The following DPYD variants were observed in gnomAD, a reference collection of about 807,000 sequenced individuals.
DPYD encodes the protein dihydropyrimidine dehydrogenase [NADP(+)].
Under a neutral mutation model 116.2 loss-of-function variants are expected in DPYD, and 109 were observed. The observed-to-expected ratio is 0.94, with a 90% CI of 0.80 to 1.10. The LOEUF (loss-of-function observed/expected upper bound fraction) is 1.10. Ranked by LOEUF, DPYD falls within the 50% of genes least tolerant of loss-of-function variation. The pLI is 0.00. For synonymous variants in DPYD, 440 were observed against 432.0 expected (o/e 1.02, Z -0.23); for missense variants, 1,302 against 1,254.5 (o/e 1.04, Z -0.57).
intron 2 of DPYD, among the ~76,000 whole-genome samples, chr1:97,865,862 A>C (rs1478617110): frequency 6.6e-6 from 1 of 151,976 alleles, no homozygotes; most frequent in Non-Finnish European, 1.5e-5. Context: ...ACTGGCATAT[A>C]TTTGAAATTA....
At position 97,306,142 on chromosome 1, in the gene DPYD, CA is replaced by C. The variant is rs748225767; in HGVS notation, c.2179+34del. The C allele has an allele frequency of 3.1e-6, 5 of 1,611,316 alleles. No homozygotes were observed. The East Asian group carries it at 1.1e-4, about 36-fold the overall frequency. Reference sequence around the variant, plus strand: ...GCTACATAATGTGGGCCAATATTTACAATAGCGGGCAACTGATTCAAGTCAA... The same window carrying C: ...GCTACATAATGTGGGCCAATATTTACATAGCGGGCAACTGATTCAAGTCAA... On this transcript the variant is annotated intron_variant, in intron 17 of 22. Coordinates refer to ENST00000370192, the MANE Select transcript of DPYD (RefSeq NM_000110.4).
chr1:97,553,973 T>C (rs1651506726), intron 11 of DPYD, among the ~76,000 whole-genome samples: 1 of 130,848 alleles, frequency 7.6e-6, no homozygotes, highest in African/African-American at 2.5e-5. Context: ...CTTTAATTAC[T>C]ACTATGTTCA....
At chr1:97,808,014 T>C (rs1351959404) in intron 3 of DPYD, among the ~76,000 whole-genome samples, 1 of 152,168 alleles carries the variant, frequency 6.6e-6, no homozygotes, top group Non-Finnish European at 1.5e-5. Context: ...CCTTGACTAC[T>C]GCAGCTTTAC....
intron 12 of DPYD, among the ~76,000 whole-genome samples, chr1:97,532,885 T>C (rs1236709637): frequency 6.7e-6 from 1 of 150,182 alleles, no homozygotes; most frequent in African/African-American, 2.5e-5. Context: ...ATTATTTCCA[T>C]CCTTCTGCTA....
At chr1:97,254,705 T>G (rs1663336429) in intron 18 of DPYD, among the ~76,000 whole-genome samples, 1 of 152,156 alleles carries the variant, frequency 6.6e-6, no homozygotes, top group African/African-American at 2.4e-5. Context: ...TTTAAAAACT[T>G]CAAGTGAAAA....
At chr1:97,333,058 T>C in intron 16 of DPYD, among the ~76,000 whole-genome samples, 1 of 122,918 alleles carries the variant, frequency 8.1e-6, no homozygotes, top group Non-Finnish European at 1.6e-5. Flanking sequence ...CAACTGCTAA[T>C]TCTTTTTTTT....
At chr1:97,116,922 G>A (rs1245872424) in intron 20 of DPYD, among the ~76,000 whole-genome samples, 1 of 151,130 alleles carries the variant, frequency 6.6e-6, no homozygotes, top group East Asian at 2.0e-4. Flanking sequence ...GCCGAGGTGG[G>A]TGGATCACCT....
chr1:97,181,155 G>A (rs1223418032), intron 20 of DPYD, among the ~76,000 whole-genome samples: 1 of 152,052 alleles, frequency 6.6e-6, no homozygotes, highest in East Asian at 1.9e-4. Context: ...TTTGAATCAC[G>A]AGCTTCCTCT....
chr1:97,906,876 C>T (rs141850555), intron 1 of DPYD, among the ~76,000 whole-genome samples: 278 of 152,236 alleles, frequency 1.8e-3, no homozygotes, highest in African/African-American at 6.2e-3. Context: ...TTCACATTTT[C>T]ACTTGAGGAA....
At chr1:97,273,377 G>T (rs566281782) in intron 18 of DPYD, among the ~76,000 whole-genome samples, 2 of 152,114 alleles carry the variant, frequency 1.3e-5, no homozygotes, top group Non-Finnish European at 2.9e-5. Context: ...TATAAAATAT[G>T]TTTGAGGCAC....
chr1:97,439,269 T>C (rs1391346975), intron 14 of DPYD, among the ~76,000 whole-genome samples: 3 of 152,160 alleles, frequency 2.0e-5, no homozygotes. Context: ...ATCAGGGTGT[T>C]GGCCCCATAG....
intron 1 of DPYD, among the ~76,000 whole-genome samples, chr1:97,909,867 C>T (rs1017858009): frequency 1.3e-5 from 2 of 152,092 alleles, no homozygotes; most frequent in Non-Finnish European, 2.9e-5. Flanking sequence ...CAGCTGCCTA[C>T]GTGGTATCTT....
intron 14 of DPYD, among the ~76,000 whole-genome samples, chr1:97,421,620 C>T (rs1237491810): frequency 6.6e-6 from 1 of 152,114 alleles, no homozygotes; most frequent in Non-Finnish European, 1.5e-5. Flanking sequence ...ATTGTATGTG[C>T]TTTAGTTTGG....
chr1:97,345,588 C>T (rs985378026), intron 16 of DPYD, among the ~76,000 whole-genome samples: 3 of 151,728 alleles, frequency 2.0e-5, no homozygotes, highest in Admixed American at 6.6e-5. Context: ...TGTCGGGATG[C>T]GAGAAAATGC....
intron 13 of DPYD, among the ~76,000 whole-genome samples, chr1:97,498,923 C>A (rs1305407707): frequency 6.6e-6 from 1 of 151,464 alleles, no homozygotes; most frequent in Non-Finnish European, 1.5e-5. Flanking sequence ...AATATTTTTT[C>A]TTAAAAGTTA....
rs74368669 is a variant in DPYD at position 97,278,914 on chromosome 1, C to T, written c.2299+26345G>A. 3.7e-3 allele frequency among the ~76,000 whole-genome samples: 529 copies of T among 144,374 alleles called. 1 individual carries two copies. Among genetic ancestry groups the T allele is most frequent in the Non-Finnish European group, 6.5e-3 (414 of 64,114 alleles). The allele number at this position is 144,374 out of a possible 152,430, so 94.7% of individuals were successfully genotyped here. The stretch of plus-strand genomic sequence containing the variant: ...CACTCTTACTAAGACAATGGTATTT[C>T]GTAAAAATTTTTTTTTTCCCACAGC... On this transcript the variant is annotated intron_variant, in intron 18 of 22. Transcript: ENST00000370192.
intron 5 of DPYD, among the ~76,000 whole-genome samples, chr1:97,702,852 T>G (rs539506160): frequency 3.3e-5 from 5 of 152,088 alleles, no homozygotes; most frequent in African/African-American, 1.2e-4. Flanking sequence ...TTTAAAAAAA[T>G]TATGAGATGC....
chr1:97,853,652 T>C (rs899690269), intron 2 of DPYD, among the ~76,000 whole-genome samples: 2 of 152,206 alleles, frequency 1.3e-5, no homozygotes, highest in African/African-American at 4.8e-5. Context: ...TCCAAAATGT[T>C]TTACACATCA....
At chr1:97,212,726 C>T (rs1660118142) in intron 19 of DPYD, among the ~76,000 whole-genome samples, 3 of 152,064 alleles carry the variant, frequency 2.0e-5, no homozygotes, top group African/African-American at 7.2e-5. Context: ...TCCTCACCGT[C>T]ATTAAGTATT....
Sources: gnomAD v4.1 joint callset for allele counts (sites outside exome capture counted in the v4.1 genomes callset) on GRCh38, gnomAD v4.1.1 for gene constraint, MANE v1.5 for transcripts, NCBI Gene and HGNC (gene_info 2026-07-23, HGNC 2026-07-21) for gene names.